Variants in NAALADL2 observed in about 807,000 individuals in gnomAD.
The protein encoded by NAALADL2 is N-acetylated alpha-linked acidic dipeptidase like 2, also known as inactive N-acetylated-alpha-linked acidic dipeptidase-like protein 2.
Under a neutral mutation model 87.2 loss-of-function variants are expected in NAALADL2, and 76 were observed. That is an observed-to-expected ratio of 0.87 (90% CI 0.72 to 1.05). NAALADL2 has a LOEUF of 1.05. NAALADL2 is among the 50% of genes least tolerant of loss of function. The pLI, the probability that NAALADL2 is intolerant of heterozygous loss-of-function variation, is 0.00. For synonymous variants in NAALADL2, 354 were observed against 331.0 expected, an observed-to-expected ratio of 1.07 and a Z score of -0.75; for missense variants, 1,089 against 945.8, an observed-to-expected ratio of 1.15 and a Z score of -1.99.
intron 2 of NAALADL2, among the ~76,000 whole-genome samples, chr3:175,103,414 A>G (rs999133859): frequency 1.3e-5 from 2 of 152,184 alleles, no homozygotes; most frequent in African/African-American, 4.8e-5. Context: ...AGTACTAATT[A>G]AACTTTACCA....
At chr3:175,094,815 C>G (rs967093341) in intron 1 of NAALADL2, among the ~76,000 whole-genome samples, 1 of 150,588 alleles carries the variant, frequency 6.6e-6, no homozygotes, top group African/African-American at 2.4e-5. Flanking sequence ...TCCTCTCCAT[C>G]TCCACAATGT....
chr3:175,762,416 G>T (rs1436928635), intron 13 of NAALADL2, among the ~76,000 whole-genome samples: 2 of 151,970 alleles, frequency 1.3e-5, no homozygotes, highest in Non-Finnish European at 2.9e-5. Context: ...TTTAAAAGTG[G>T]GAAGAGATTT....
In NAALADL2 at chr3:175,281,438, A is replaced by G. The variant is rs961606381; in HGVS notation, c.939+24908A>G. Among the ~76,000 whole-genome samples, 8 of 152,040 alleles carry G rather than the reference A, an allele frequency of 5.3e-5. No individual in the cohort carries two copies. In the South Asian group the frequency reaches 1.0e-3, roughly 20 times the overall value. On this transcript the variant is annotated intron_variant, in intron 4 of 13. Coordinates refer to ENST00000454872, the MANE Select transcript of NAALADL2 (RefSeq NM_207015.3). ...GATAATAGGCTAAAACACCTTTGCA[A>G]TGTGTGTATTTTTATGTTTATCACT...
At chr3:174,882,574 T>C (rs999388612) in intron 1 of NAALADL2, among the ~76,000 whole-genome samples, 2 of 141,576 alleles carry the variant, frequency 1.4e-5, no homozygotes, top group Non-Finnish European at 3.0e-5. Flanking sequence ...TATACATATG[T>C]GCTTATACAC....
chr3:175,698,318 T>C (rs1171585615), intron 11 of NAALADL2, among the ~76,000 whole-genome samples: 2 of 95,204 alleles, frequency 2.1e-5, no homozygotes, highest in South Asian at 3.2e-4. Flanking sequence ...TATATGTATG[T>C]GTATTTATGT....
rs867817186 is a variant in NAALADL2 at position 175,131,865 on chromosome 3, G to A, written c.545+34574G>A. Among the ~76,000 whole-genome samples the A allele has an allele frequency of 3.8e-3, 133 of 35,196 alleles. 20 individuals carry two copies. The highest frequency in any genetic ancestry group is 0.02 in the African/African-American group (109 of 5,580). The allele number at this position is 35,196 out of a possible 152,430, so 23.1% of individuals were successfully genotyped here. On this transcript the variant is annotated intron_variant, in intron 2 of 13. Transcript: ENST00000454872. ...TCCCGGACGGGGCGGCTGGCCGGGC[G>A]GGGTCTGACCCCCCCACCTCCCTCC...
intron 10 of NAALADL2, among the ~76,000 whole-genome samples, chr3:175,611,108 A>G (rs1465112893): frequency 6.6e-6 from 1 of 152,066 alleles, no homozygotes; most frequent in Non-Finnish European, 1.5e-5. Context: ...TAAGTCTACC[A>G]TGCTATCTGT....
intron 9 of NAALADL2, among the ~76,000 whole-genome samples, chr3:175,503,449 A>G (rs1448191815): frequency 6.6e-6 from 1 of 152,154 alleles, no homozygotes; most frequent in African/African-American, 2.4e-5. Context: ...TATACCCAAT[A>G]GTAGGATTGC....
chr3:175,510,341 G>A (rs1697281683), intron 9 of NAALADL2, among the ~76,000 whole-genome samples: 2 of 152,046 alleles, frequency 1.3e-5, no homozygotes, highest in South Asian at 4.2e-4. Flanking sequence ...ATGAGATTTG[G>A]GTGGAGACAC....
chr3:175,212,458 A>G (rs1741896620), intron 2 of NAALADL2, among the ~76,000 whole-genome samples: 1 of 152,142 alleles, frequency 6.6e-6, no homozygotes, highest in South Asian at 2.1e-4. Flanking sequence ...GATATACAAA[A>G]AGAAATCATA....
At chr3:175,439,872 C>T (rs543087556) in intron 5 of NAALADL2, among the ~76,000 whole-genome samples, 23 of 151,722 alleles carry the variant, frequency 1.5e-4, no homozygotes, top group East Asian at 3.9e-4. Flanking sequence ...TTTTGCTGTA[C>T]GGAAGCATTT....
At chr3:174,944,701 A>G (rs185619386) in intron 1 of NAALADL2, among the ~76,000 whole-genome samples, 4 of 152,270 alleles carry the variant, frequency 2.6e-5, no homozygotes, top group African/African-American at 7.2e-5. Flanking sequence ...TGCTCTGCCA[A>G]GACTCCACAT....
intron 11 of NAALADL2, among the ~76,000 whole-genome samples, chr3:175,629,188 A>T (rs4894727): frequency 0.74 from 108,602 of 147,204 alleles, 40,731 homozygotes; most frequent in East Asian, 0.88. Flanking sequence ...TACACACATA[A>T]AAACATGCAT....
At position 175,652,725 on chromosome 3, in the gene NAALADL2, G is replaced by A. The variant is rs181877783; in HGVS notation, c.1896+25339G>A. Reference sequence around the variant, plus strand: ...GATCTCCTGACCTCGTGATCCGCCCGCCTCGGCCTCCCAAAGTGCTGAGGA... The same window carrying A: ...GATCTCCTGACCTCGTGATCCGCCCACCTCGGCCTCCCAAAGTGCTGAGGA... On this transcript the variant is annotated intron_variant, in intron 11 of 13. Transcript: ENST00000454872. Among the ~76,000 whole-genome samples the A allele has an allele frequency of 5.6e-3, 855 of 152,068 alleles. 9 individuals are homozygous for A. The highest frequency in any genetic ancestry group is 0.02 in the African/African-American group (813 of 41,476).
chr3:174,614,803 T>A (rs867176176), intron 2 of NAALADL2, among the ~76,000 whole-genome samples: 18 of 152,304 alleles, frequency 1.2e-4, no homozygotes, highest in African/African-American at 4.1e-4. Context: ...TTTGTTGTTG[T>A]TTTTTTAGAA....
At chr3:175,581,906 T>TCTATATAAAACTGTGTATC (rs1719840161) in intron 10 of NAALADL2, among the ~76,000 whole-genome samples, 1 of 152,180 alleles carries the variant, frequency 6.6e-6, no homozygotes. Context: ...GAGCTGTGAT[T>TCTATATAAAACTGTGTATC]CTATATAAAA....
chr3:174,482,374 G>T (rs968788039), intron 1 of NAALADL2, among the ~76,000 whole-genome samples: 1 of 152,026 alleles, frequency 6.6e-6, no homozygotes, highest in Non-Finnish European at 1.5e-5. Flanking sequence ...TGAGAGAAGA[G>T]TTTCCTAATC....
chr3:175,036,404 T>A (rs1240624330), intron 1 of NAALADL2, among the ~76,000 whole-genome samples: 1 of 151,502 alleles, frequency 6.6e-6, no homozygotes, highest in Non-Finnish European at 1.5e-5. Flanking sequence ...TTTTTTTTCT[T>A]TTTCTTTTTT....
chr3:175,609,824 A>G (rs945203687), intron 10 of NAALADL2, among the ~76,000 whole-genome samples: 1 of 152,086 alleles, frequency 6.6e-6, no homozygotes, highest in African/African-American at 2.4e-5. Flanking sequence ...AACGACTTGC[A>G]GTTTTGATGA....
Sources: gnomAD v4.1 joint callset for allele counts (sites outside exome capture counted in the v4.1 genomes callset) on GRCh38, gnomAD v4.1.1 for gene constraint, MANE v1.5 for transcripts, NCBI Gene and HGNC (gene_info 2026-07-23, HGNC 2026-07-21) for gene names.